TMEM204: variants seen among roughly 807,000 people sequenced by gnomAD.
The protein encoded by TMEM204 is claudin-like protein 24.
TMEM204 carries 15 observed loss-of-function variants against 19.4 expected under a neutral mutation model. The observed-to-expected ratio is 0.77, with a 90% confidence interval of 0.52 to 1.19. The LOEUF is 1.19. Among genes scored for constraint, TMEM204 ranks in the 50% most tolerant of loss-of-function variants. The probability of loss-of-function intolerance (pLI) is 0.00; values close to 1 mark genes in which losing one functional copy is unlikely to be tolerated. For synonymous variants in TMEM204, 161 were observed against 146.0 expected (o/e 1.10, Z -0.74); for missense variants, 287 against 321.2 (o/e 0.89, Z 0.81).
rs3784834 is a variant in TMEM204 at position 1,549,480 on chromosome 16, G to A, written c.437-5302G>A. 3.1e-3 allele frequency among the ~76,000 whole-genome samples: 476 copies of A among 152,276 alleles called. 14 individuals carry two copies. In the East Asian group the frequency reaches 0.071, roughly 23 times the overall value. ...TCGCTCTTGTTGCCCAGGCTGGAGG[G>A]CAATGGCGTGCAATCTCGGCTCACC... On this transcript the variant is annotated intron_variant, in intron 2 of 2. Transcript: ENST00000566264.
At chr16:1,541,443 G>GAGCACGCAGGAC in intron 1 of TMEM204, 1 of 985,432 alleles carries the variant, frequency 1.0e-6, no homozygotes, top group Non-Finnish European at 1.2e-6. Flanking sequence ...TCGGGCAGCT[G>GAGCACGCAGGAC]AGCACGCAGG....
intron 1 of TMEM204, among the ~76,000 whole-genome samples, chr16:1,539,463 G>GC (rs1457061380): frequency 1.4e-4 from 21 of 152,356 alleles, no homozygotes; most frequent in African/African-American, 5.1e-4. Context: ...AAGCACTCTG[G>GC]CCCCACGGCC....
At chr16:1,541,508 C>T (rs780845248) in intron 1 of TMEM204, 56 of 985,278 alleles carry the variant, frequency 5.7e-5, no homozygotes, top group Non-Finnish European at 6.5e-5. Context: ...GCAGCGCCCT[C>T]GTCTTGGATG....
intron 2 of TMEM204, among the ~76,000 whole-genome samples, chr16:1,547,724 T>C (rs1458760144): frequency 2.0e-5 from 3 of 152,248 alleles, no homozygotes; most frequent in South Asian, 2.1e-4. Flanking sequence ...TTGGTAGAGA[T>C]GGGGTTTCAC....
chr16:1,539,230 C>T (rs559921787), intron 1 of TMEM204, among the ~76,000 whole-genome samples: 3,164 of 150,852 alleles, frequency 0.021, 114 homozygotes, highest in African/African-American at 0.072. Context: ...ACCCAAGCCT[C>T]AGGACTCACC....
rs1014560638 is a variant in TMEM204 at position 1,533,958 on chromosome 16, G to A, written c.-318G>A. ...GGCGAGAAGAGGCACGCGCGGCACA[G>A]GCCGGCCTCCGCTTCCCGGGAAGAC... On this transcript the variant is annotated 5_prime_UTR_variant, in exon 1 of 3. Transcript: ENST00000566264. The surrounding 1 kb of genome is among the most constrained non-coding windows in gnomAD (Gnocchi z 4.7). 4.8e-6 allele frequency: 2 copies of A among 419,030 alleles called. No individual in the cohort carries two copies. Among genetic ancestry groups the A allele is most frequent in the East Asian group, 1.0e-4 (2 of 19,448 alleles). 26.0% of individuals were successfully genotyped at this position (419,030 alleles called of 1,614,324 possible). A position where few individuals can be genotyped will look rare whatever the true frequency, so the allele number is the denominator to read the frequency against.
rs1247943153 is a variant in TMEM204 at position 1,553,052 on chromosome 16, G to C, written c.437-1730G>C. ...AGAATGAACACAGAAACCAGTCACT[G>C]TCATTGTTCAGGACAAAATGGAGAT... On this transcript the variant is annotated intron_variant, in intron 2 of 2. Coordinates refer to ENST00000566264, the MANE Select transcript of TMEM204 (RefSeq NM_024600.6). The surrounding 1 kb of genome is among the most constrained non-coding windows in gnomAD (Gnocchi z 4.4). 1.0e-6 allele frequency: 1 copy of C among 985,432 alleles called. No homozygotes were observed. Among genetic ancestry groups the C allele is most frequent in the Non-Finnish European group, 1.2e-6 (1 of 829,926 alleles). 61.0% of individuals were successfully genotyped at this position (985,432 alleles called of 1,614,324 possible).
Position 1,554,971 on chromosome 16 carries a change from T to C in TMEM204, c.626T>C (p.Leu209Pro), listed in dbSNP as rs765775512. 2 of 1,613,916 alleles carry C rather than the reference T, an allele frequency of 1.2e-6. No individual in the cohort carries two copies. The highest frequency in any genetic ancestry group is 1.7e-6 in the Non-Finnish European group (2 of 1,180,002). Residue 209 changes from leucine to proline, a missense_variant, in exon 3 of 3, where the codon CTG becomes CCG. Coordinates refer to ENST00000566264, the MANE Select transcript of TMEM204 (RefSeq NM_024600.6). ...CGGGTGATTGTCATCAGCCGCTCCC[T>C]GACAGCGCGCTTTCGCCGTGGGCTG... The part of the protein sequence containing the change: ...APRVIVISRS[L>P]TARFRRGLDN...
intron 1 of TMEM204, chr16:1,541,282 G>C: frequency 1.0e-6 from 1 of 985,248 alleles, no homozygotes; most frequent in Non-Finnish European, 1.2e-6. Context: ...CAGGAGGTGA[G>C]GGGGGCAGGT....
At chr16:1,542,143 G>C (rs773528024) in intron 2 of TMEM204, 67 bp downstream of exon 2, 7 of 1,455,058 alleles carry the variant, frequency 4.8e-6, no homozygotes, top group South Asian at 2.8e-5. Context: ...CCACAGGAGG[G>C]TCCTGAGGCC....
At position 1,541,989 on chromosome 16, in the gene TMEM204, T is replaced by A; in HGVS notation, c.349T>A (p.Phe117Ile). The stretch of plus-strand genomic sequence containing the variant: ...CGCGCTCACCGCAGGCCAGCTCACC[T>A]TCCTCCTGGGGCTGGTGGGCCTGCC... Reference protein sequence around the residue: ...TAALTAGQLTFLLGLVGLPLL... With the variant: ...TAALTAGQLTILLGLVGLPLL... The change falls in exon 2 of 3, where the codon TTC (phenylalanine) becomes ATC (isoleucine). Residue 117 changes from phenylalanine to isoleucine, a missense_variant. Phe to Ile is a conservative substitution (Grantham distance 21). Transcript: ENST00000566264. 1 of 1,611,284 alleles carries A rather than the reference T, an allele frequency of 6.2e-7. No individual in the cohort carries two copies. Among genetic ancestry groups the A allele is most frequent in the Non-Finnish European group, 8.5e-7 (1 of 1,179,658 alleles).
intron 2 of TMEM204, among the ~76,000 whole-genome samples, chr16:1,545,581 T>C (rs1398084497): frequency 6.6e-6 from 1 of 152,062 alleles, no homozygotes; most frequent in African/African-American, 2.4e-5. Context: ...CAGGATGTCC[T>C]GTCACAGGAC....
At chr16:1,554,050 G>C in intron 2 of TMEM204, 1 of 1,287,234 alleles carries the variant, frequency 7.8e-7, no homozygotes, top group South Asian at 1.2e-5. Flanking sequence ...TCTGGAAAGA[G>C]AGGGGAAAGC....
Position 1,535,553 on chromosome 16 carries a change from G to A in TMEM204, c.280+998G>A, listed in dbSNP as rs556087673. ...GGCAGTGCCTCTGCTCCAGGCTTCC[G>A]AGGGAGTCCCGGAGTACTGGGGTAA... is the stretch of plus-strand genomic sequence containing the variant. On this transcript the variant is annotated intron_variant, in intron 1 of 2. Transcript: ENST00000566264. 7.2e-5 allele frequency among the ~76,000 whole-genome samples: 11 copies of A among 152,290 alleles called. No homozygotes were observed. In the East Asian group the frequency reaches 9.6e-4, roughly 13 times the overall value.
Position 1,547,096 on chromosome 16 carries a change from C to T in TMEM204, c.436+5020C>T, listed in dbSNP as rs891782292. ...GAGGTGGGCATGATGCCGAAGGCTT[C>T]TCGCCTGCTTCTTCCTTGAAACAGT... On this transcript the variant is annotated intron_variant, in intron 2 of 2. Coordinates refer to ENST00000566264, the MANE Select transcript of TMEM204 (RefSeq NM_024600.6). Among the ~76,000 whole-genome samples the T allele has an allele frequency of 2.0e-5, 3 of 152,244 alleles. No individual in the cohort carries two copies. In the South Asian group the frequency reaches 6.2e-4, roughly 31 times the overall value.
rs775513798 is a variant in TMEM204, at chr16:1,554,840, G to A, written c.495G>A (p.Leu165=). The A allele has an allele frequency of 1.2e-6, 2 of 1,614,222 alleles. No individual in the cohort carries two copies. The highest frequency in any genetic ancestry group is 1.7e-6 in the Non-Finnish European group (2 of 1,180,054). The change falls in exon 3 of 3, where the codon CTG becomes CTA. Residue 165 remains leucine, a synonymous_variant. Coordinates refer to ENST00000566264, the MANE Select transcript of TMEM204 (RefSeq NM_024600.6). ...TFYRIGPYTN[L]SWSCYLNIGA... ...ACAGAATTGGCCCATACACCAACCT[G>A]TCCTGGTCCTGCTACCTGAACATTG...
chr16:1,534,515 C>T lies in TMEM204; in HGVS notation c.240C>T (p.Ser80=), dbSNP rs369463643. 2.0e-5 allele frequency: 32 copies of T among 1,607,250 alleles called. No individual in the cohort carries two copies. Among genetic ancestry groups the T allele is most frequent in the East Asian group, 6.7e-5 (3 of 44,872 alleles). The change falls in exon 1 of 3, where the codon TCC becomes TCT. Residue 80 remains serine, a synonymous_variant. Coordinates refer to ENST00000566264, the MANE Select transcript of TMEM204 (RefSeq NM_024600.6). ...AHDCEALGWG[S]EAAGFQESRG... ...ACTGTGAGGCGCTGGGCTGGGGCTCCGAGGCAGCCGGCTTCCAGGAGTCCC... is the reference window on the plus strand; with the variant it reads ...ACTGTGAGGCGCTGGGCTGGGGCTCTGAGGCAGCCGGCTTCCAGGAGTCCC...
At chr16:1,546,633 G>T (rs1030121688) in intron 2 of TMEM204, among the ~76,000 whole-genome samples, 1 of 152,218 alleles carries the variant, frequency 6.6e-6, no homozygotes, top group Non-Finnish European at 1.5e-5. Flanking sequence ...CCCCACCTAG[G>T]CCTGTCTCCC....
chr16:1,535,320 G>A (rs1278743523), intron 1 of TMEM204, among the ~76,000 whole-genome samples: 1 of 152,176 alleles, frequency 6.6e-6, no homozygotes, highest in Non-Finnish European at 1.5e-5. Context: ...TTGAGTGGCA[G>A]GTGTGAGGCT....
Sources: gnomAD v4.1 joint callset for allele counts (sites outside exome capture counted in the v4.1 genomes callset) on GRCh38, gnomAD v4.1.1 for gene constraint, Gnocchi (gnomAD v3.1) non-coding constraint, MANE v1.5 for transcripts, NCBI Gene and HGNC (gene_info 2026-07-23, HGNC 2026-07-21) for gene names.